The following COL24A1 variants were observed in gnomAD, a reference collection of about 807,000 sequenced individuals.
COL24A1 encodes collagen type XXIV alpha 1 chain.
In COL24A1, 224 loss-of-function variants were observed where a neutral mutation model predicts 253.9. The ratio of observed to expected loss-of-function variants is 0.88; its 90% CI spans 0.79 to 0.99. The LOEUF is 0.99. COL24A1 is among the 50% of genes least tolerant of loss of function. The pLI is 0.00. For synonymous variants in COL24A1, 685 were observed against 673.7 expected, an observed-to-expected ratio of 1.02 and a Z score of -0.26; for missense variants, 2,131 against 2,068.5, an observed-to-expected ratio of 1.03 and a Z score of -0.59.
chr1:86,057,814 C>T lies in COL24A1; in HGVS notation c.1851+117G>A, dbSNP rs551219735. 1.4e-5 allele frequency: 12 copies of T among 829,578 alleles called. No individual in the cohort carries two copies. The African/African-American group carries it at 1.9e-4, about 13-fold the overall frequency. 51.4% of individuals were successfully genotyped at this position (829,578 alleles called of 1,614,324 possible). A position where few individuals can be genotyped will look rare whatever the true frequency, so the allele number is the denominator to read the frequency against. On this transcript the variant is annotated intron_variant, in intron 10 of 59. Transcript: ENST00000370571. ...ACTGCAGTAAGCAAGTATATTCAGG[C>T]TACATTTGAATTAAATTCAAAGCTA...
chr1:85,977,510 C>A (rs936851373), intron 20 of COL24A1, among the ~76,000 whole-genome samples: 1 of 152,002 alleles, frequency 6.6e-6, no homozygotes, highest in African/African-American at 2.4e-5. Context: ...TCCAGAGAAA[C>A]AGATATCATA....
chr1:85,866,564 A>G (rs1247571445), intron 37 of COL24A1, among the ~76,000 whole-genome samples: 1 of 152,086 alleles, frequency 6.6e-6, no homozygotes, highest in Non-Finnish European at 1.5e-5. Flanking sequence ...ACTTGAGGTC[A>G]GGAGTTTGAG....
chr1:85,778,902 C>A lies in COL24A1; in HGVS notation c.4338+2318G>T, dbSNP rs116639635. 3.6e-4 allele frequency among the ~76,000 whole-genome samples: 55 copies of A among 152,274 alleles called. 1 individual carries two copies. The South Asian group carries it at 8.3e-3, about 23-fold the overall frequency. ...TACAAGCATGAGCCACTGCGCTTGG[C>A]CTCTTCTAAGATTTTTATTGTTTTA... is the stretch of plus-strand genomic sequence containing the variant. On this transcript the variant is annotated intron_variant, in intron 52 of 59. Transcript: ENST00000370571.
In COL24A1 at chr1:85,829,839, A is replaced by G. The variant is rs546050592; in HGVS notation, c.3682-6101T>C. Among the ~76,000 whole-genome samples, 54 of 152,012 alleles carry G rather than the reference A, an allele frequency of 3.6e-4. No homozygotes were observed. The East Asian group carries it at 0.01, about 29-fold the overall frequency. ...ATACATTCTTCTAAATTTTTTTCAA[A>G]GTTTTCAACTTCTTTGCCTTTGGTT... On this transcript the variant is annotated intron_variant, in intron 43 of 59. Coordinates refer to ENST00000370571, the MANE Select transcript of COL24A1 (RefSeq NM_152890.7).
chr1:85,993,385 C>A (rs1694472784), intron 19 of COL24A1, among the ~76,000 whole-genome samples: 1 of 151,438 alleles, frequency 6.6e-6, no homozygotes, highest in Admixed American at 6.6e-5. Flanking sequence ...AACGAACAGC[C>A]TAGATGTGGC....
chr1:85,858,623 CCT>C (rs1678742764), intron 37 of COL24A1, among the ~76,000 whole-genome samples: 73 of 82,188 alleles, frequency 8.9e-4, no homozygotes, highest in African/African-American at 4.5e-3. Flanking sequence ...TTTTCTCCCT[CCT>C]TCCTTCCTTC....
chr1:85,863,375 G>C (rs531393284), intron 37 of COL24A1, among the ~76,000 whole-genome samples: 124 of 152,278 alleles, frequency 8.1e-4, no homozygotes, highest in African/African-American at 2.6e-3. Flanking sequence ...TGGTGAGAGA[G>C]GGTATCCTTG....
chr1:85,830,738 C>T (rs374231416), intron 43 of COL24A1, among the ~76,000 whole-genome samples: 16 of 152,292 alleles, frequency 1.1e-4, no homozygotes, highest in Middle Eastern at 3.4e-3. Context: ...CTCCCTGACC[C>T]CTTGCGCTTG....
chr1:85,785,674 C>T (rs751163566), intron 48 of COL24A1, among the ~76,000 whole-genome samples: 2 of 152,034 alleles, frequency 1.3e-5, no homozygotes, highest in Non-Finnish European at 2.9e-5. Context: ...TTCAGTTTAC[C>T]CACATGGGTC....
chr1:86,005,884 A>G (rs1695905539), intron 19 of COL24A1, among the ~76,000 whole-genome samples: 1 of 152,190 alleles, frequency 6.6e-6, no homozygotes, highest in South Asian at 2.1e-4. Context: ...ATACAAGGTT[A>G]ATATACAAAA....
chr1:86,036,409 T>C (rs1374062394), intron 12 of COL24A1, among the ~76,000 whole-genome samples: 1 of 151,954 alleles, frequency 6.6e-6, no homozygotes, highest in African/African-American at 2.4e-5. Context: ...TTATCAATTT[T>C]TGAAATAATT....
intron 43 of COL24A1, among the ~76,000 whole-genome samples, chr1:85,829,119 G>C (rs1053058602): frequency 8.0e-5 from 12 of 149,960 alleles, no homozygotes; most frequent in Non-Finnish European, 1.6e-4. Flanking sequence ...GGCAGGCCTG[G>C]TGGTGACAAA....
At chr1:86,082,047 C>T (rs1353146257) in intron 7 of COL24A1, among the ~76,000 whole-genome samples, 1 of 152,118 alleles carries the variant, frequency 6.6e-6, no homozygotes, top group Non-Finnish European at 1.5e-5. Flanking sequence ...TAGCACAAGG[C>T]AGCTTCTGTA....
At chr1:85,982,044 A>C (rs2100868161) in intron 20 of COL24A1, among the ~76,000 whole-genome samples, 1 of 152,300 alleles carries the variant, frequency 6.6e-6, no homozygotes, top group Non-Finnish European at 1.5e-5. Context: ...ATGAATGAGT[A>C]AAGAAAATGT....
chr1:85,760,649 A>C (rs1666757987), intron 55 of COL24A1, among the ~76,000 whole-genome samples: 1 of 152,120 alleles, frequency 6.6e-6, no homozygotes, highest in African/African-American at 2.4e-5. Context: ...AGGACTGACT[A>C]TTGTTTGGGA....
At chr1:85,733,511 A>C (rs1297196157) in intron 59 of COL24A1, among the ~76,000 whole-genome samples, 6 of 152,226 alleles carry the variant, frequency 3.9e-5, no homozygotes, top group African/African-American at 1.4e-4. Context: ...TCTGTTGAAC[A>C]TAGTTTGCCA....
chr1:85,842,121 C>T lies in COL24A1; in HGVS notation c.3517G>A (p.Gly1173Ser), dbSNP rs748643915. The T allele has an allele frequency of 1.3e-5, 21 of 1,613,364 alleles. No homozygotes were observed. The highest frequency in any genetic ancestry group is 1.7e-5 in the Non-Finnish European group (20 of 1,179,538). ...GAGGGTCCTGGTTGGCCCTGATGGC[C>T]CTACGAAAGGACAAGTAGACATTTA... The part of the protein sequence containing the change: ...DGEPGIPGYR[G>S]HQGQPGPSGL... The change falls in exon 41 of 60, where the codon GGC (glycine) becomes AGC (serine). Residue 1173 changes from glycine to serine, a missense_variant and splice_region_variant. Physicochemically the swap from Gly to Ser is moderately conservative, Grantham distance 56. Coordinates refer to ENST00000370571, the MANE Select transcript of COL24A1 (RefSeq NM_152890.7).
At chr1:85,903,293 A>G (rs2102863932) in intron 28 of COL24A1, among the ~76,000 whole-genome samples, 1 of 152,314 alleles carries the variant, frequency 6.6e-6, no homozygotes, top group South Asian at 2.1e-4. Context: ...GAACTCTAGG[A>G]AAGCTTGGTA....
chr1:85,977,808 G>T (rs1692834928), intron 20 of COL24A1, among the ~76,000 whole-genome samples: 1 of 152,154 alleles, frequency 6.6e-6, no homozygotes, highest in Non-Finnish European at 1.5e-5. Context: ...ACTTATTTTA[G>T]GAAATAATCG....
Sources: allele counts gnomAD v4.1 joint callset (sites outside exome capture counted in the v4.1 genomes callset), GRCh38; gene constraint gnomAD v4.1.1; transcripts MANE v1.5; gene names NCBI Gene and HGNC (gene_info 2026-07-23, HGNC 2026-07-21).